The following MACROD2 variants were observed in gnomAD, a reference collection of about 807,000 sequenced individuals.
MACROD2 encodes mono-ADP ribosylhydrolase 2, also known as ADP-ribose glycohydrolase MACROD2.
Under a neutral mutation model 70.4 loss-of-function variants are expected in MACROD2, and 36 were observed. The ratio of observed to expected loss-of-function variants is 0.51; its 90% confidence interval spans 0.39 to 0.68. The LOEUF is 0.68. Among genes scored for constraint, MACROD2 ranks in the 30% least tolerant of loss-of-function variants. The pLI is 0.00. For missense variants in MACROD2, 496 were observed against 538.4 expected (o/e 0.92, Z 0.78); for synonymous variants, 172 against 178.8 (o/e 0.96, Z 0.30).
intron 8 of MACROD2, among the ~76,000 whole-genome samples, chr20:15,564,808 T>G (rs2048289801): frequency 6.6e-6 from 1 of 152,346 alleles, no homozygotes; most frequent in East Asian, 1.9e-4. Context: ...ATATATGTAT[T>G]TTTCCCTTGA....
At chr20:15,641,184 T>C (rs572751507) in intron 8 of MACROD2, among the ~76,000 whole-genome samples, 8 of 152,378 alleles carry the variant, frequency 5.3e-5, no homozygotes, top group Admixed American at 4.6e-4. Context: ...TCAAGGTCCC[T>C]TGATCACCAT....
intron 8 of MACROD2, among the ~76,000 whole-genome samples, chr20:15,637,263 A>G (rs1185522848): frequency 6.6e-6 from 1 of 152,210 alleles, no homozygotes; most frequent in Non-Finnish European, 1.5e-5. Flanking sequence ...AAAACAGGGG[A>G]AAGAACAGTG....
At chr20:15,662,936 G>A (rs1394332428) in intron 8 of MACROD2, among the ~76,000 whole-genome samples, 1 of 152,012 alleles carries the variant, frequency 6.6e-6, no homozygotes, top group Non-Finnish European at 1.5e-5. Flanking sequence ...TTATACAAGT[G>A]ACTTCTGTCG....
intron 5 of MACROD2, among the ~76,000 whole-genome samples, chr20:14,956,545 G>GT (rs1176625487): frequency 6.6e-6 from 1 of 151,872 alleles, no homozygotes; most frequent in Non-Finnish European, 1.5e-5. Flanking sequence ...CTGTGCTGTT[G>GT]TTTTTTTAGT....
At chr20:15,350,979 C>A (rs2078220916) in intron 6 of MACROD2, among the ~76,000 whole-genome samples, 1 of 151,990 alleles carries the variant, frequency 6.6e-6, no homozygotes, top group Non-Finnish European at 1.5e-5. Flanking sequence ...ACATGAGTAC[C>A]ATCTAGAATA....
intron 5 of MACROD2, among the ~76,000 whole-genome samples, chr20:15,181,385 TATC>T (rs1388049660): frequency 2.6e-5 from 4 of 152,310 alleles, no homozygotes; most frequent in African/African-American, 9.6e-5. Flanking sequence ...TAGAATAAAA[TATC>T]AGGATTCAGG....
At chr20:14,293,615 A>T (rs2082403536) in intron 3 of MACROD2, among the ~76,000 whole-genome samples, 1 of 151,842 alleles carries the variant, frequency 6.6e-6, no homozygotes, top group Non-Finnish European at 1.5e-5. Flanking sequence ...GTGAGCAGGG[A>T]CTGCATCGTG....
At chr20:14,700,110 A>T (rs899641388) in intron 5 of MACROD2, among the ~76,000 whole-genome samples, 1 of 151,456 alleles carries the variant, frequency 6.6e-6, no homozygotes, top group Admixed American at 6.6e-5. Context: ...TAAAGTTTAA[A>T]TTTTAAATCT....
chr20:15,821,111 C>T (rs554777246), intron 8 of MACROD2, among the ~76,000 whole-genome samples: 1 of 152,172 alleles, frequency 6.6e-6, no homozygotes, highest in South Asian at 2.1e-4. Flanking sequence ...GTCTTAATGA[C>T]CATAAATTCT....
intron 5 of MACROD2, among the ~76,000 whole-genome samples, chr20:15,201,056 G>T (rs1040145692): frequency 6.6e-6 from 1 of 152,058 alleles, no homozygotes; most frequent in African/African-American, 2.4e-5. Flanking sequence ...CCTCCCAGGT[G>T]CTGCTGCTGC....
chr20:14,457,203 A>AG (rs920135056), intron 3 of MACROD2, among the ~76,000 whole-genome samples: 1 of 152,014 alleles, frequency 6.6e-6, no homozygotes, highest in African/African-American at 2.4e-5. Context: ...CAGTTGTGAG[A>AG]GGATTAAAGA....
intron 9 of MACROD2, among the ~76,000 whole-genome samples, chr20:15,869,059 T>C (rs1009357925): frequency 6.6e-6 from 1 of 151,812 alleles, no homozygotes; most frequent in Non-Finnish European, 1.5e-5. Context: ...CCCAAGTCTT[T>C]GGGATTATAG....
chr20:14,374,797 T>C (rs1018738879), intron 3 of MACROD2, among the ~76,000 whole-genome samples: 3 of 152,164 alleles, frequency 2.0e-5, no homozygotes, highest in African/African-American at 7.2e-5. Context: ...CCCTATTAAT[T>C]TATGGCTAAC....
At chr20:15,419,671 T>G (rs1328773802) in intron 6 of MACROD2, among the ~76,000 whole-genome samples, 2 of 152,222 alleles carry the variant, frequency 1.3e-5, no homozygotes, top group African/African-American at 2.4e-5. Flanking sequence ...TCTCAGGGGA[T>G]TTGAAAAGAT....
chr20:14,631,811 T>C (rs1056147774), intron 4 of MACROD2: 1 of 152,158 alleles, frequency 6.6e-6, no homozygotes, highest in African/African-American at 2.4e-5. Flanking sequence ...ATTATATCTT[T>C]AAATTTGTTG....
At chr20:16,011,014 A>G (rs984229395) in intron 15 of MACROD2, among the ~76,000 whole-genome samples, 7 of 152,238 alleles carry the variant, frequency 4.6e-5, no homozygotes, top group Non-Finnish European at 1.0e-4. Context: ...GACTAAATGT[A>G]TAACACTTGG....
intron 2 of MACROD2, among the ~76,000 whole-genome samples, chr20:14,043,333 A>C (rs1174368684): frequency 6.6e-6 from 1 of 152,214 alleles, no homozygotes; most frequent in Non-Finnish European, 1.5e-5. Flanking sequence ...ACAGGGATAC[A>C]CATTTACCAG....
chr20:14,741,831 TA>T (rs542795359), intron 5 of MACROD2, among the ~76,000 whole-genome samples: 1 of 151,966 alleles, frequency 6.6e-6, no homozygotes, highest in Admixed American at 6.6e-5. Flanking sequence ...CCCATTGGAT[TA>T]AAAAAAATCA....
At chr20:14,674,829 G>T (rs1183944818) in intron 4 of MACROD2, among the ~76,000 whole-genome samples, 8 of 152,106 alleles carry the variant, frequency 5.3e-5, no homozygotes, top group Admixed American at 5.2e-4. Context: ...ATCCTCTTGG[G>T]CTTCTGAGAG....
Sources: allele counts gnomAD v4.1 joint callset (sites outside exome capture counted in the v4.1 genomes callset), GRCh38; gene constraint gnomAD v4.1.1; transcripts MANE v1.5; gene names NCBI Gene and HGNC (gene_info 2026-07-23, HGNC 2026-07-21).